The following MAGI1 variants were observed in gnomAD, a reference collection of about 807,000 sequenced individuals.
The protein encoded by MAGI1 is membrane associated guanylate kinase, WW and PDZ domain containing 1, also known as membrane-associated guanylate kinase, WW and PDZ domain-containing protein 1.
In MAGI1, 58 loss-of-function variants were observed where a neutral mutation model predicts 139.9. The ratio of observed to expected loss-of-function variants is 0.41; its 90% confidence interval spans 0.34 to 0.52. The LOEUF (loss-of-function observed/expected upper bound fraction) is 0.52, where lower values mean the gene tolerates loss of function less well. MAGI1 is among the 20% of genes least tolerant of loss of function. The probability of loss-of-function intolerance (pLI) is 0.12; values close to 1 mark genes in which losing one functional copy is unlikely to be tolerated. For synonymous variants in MAGI1, 812 were observed against 737.9 expected, an observed-to-expected ratio of 1.10 and a Z score of -1.63; for missense variants, 1,874 against 1,901.6, an observed-to-expected ratio of 0.99 and a Z score of 0.27.
intron 1 of MAGI1, among the ~76,000 whole-genome samples, chr3:65,919,261 T>A (rs529663850): frequency 6.6e-6 from 1 of 152,286 alleles, no homozygotes; most frequent in African/African-American, 2.4e-5. Flanking sequence ...CTTCTTAACC[T>A]CCAAAATGCT....
chr3:65,896,319 C>T (rs1234431432), intron 1 of MAGI1, among the ~76,000 whole-genome samples: 1 of 151,318 alleles, frequency 6.6e-6, no homozygotes, highest in Non-Finnish European at 1.5e-5. Flanking sequence ...AAAAGTACAA[C>T]CATGCCCATG....
intron 12 of MAGI1, among the ~76,000 whole-genome samples, chr3:65,406,133 T>C (rs1237917217): frequency 6.6e-6 from 1 of 152,132 alleles, no homozygotes; most frequent in East Asian, 1.9e-4. Flanking sequence ...TTGCTTACTT[T>C]TCCCCAAAAT....
chr3:65,614,543 A>G (rs1424426894), intron 2 of MAGI1, among the ~76,000 whole-genome samples: 1 of 152,206 alleles, frequency 6.6e-6, no homozygotes, highest in Non-Finnish European at 1.5e-5. Flanking sequence ...GGCATACTCA[A>G]TAAACACAAC....
In MAGI1 at chr3:65,362,626, C is replaced by T. The variant is rs150624466; in HGVS notation, c.3495+839G>A. On this transcript the variant is annotated intron_variant, in intron 21 of 22. Coordinates refer to ENST00000402939, the MANE Select transcript of MAGI1 (RefSeq NM_001033057.2). ...ATTCATGCTGAACAAACTTAAACAT[C>T]AAGATTGTGGCTTAAGTGCAAGTGT... Among the ~76,000 whole-genome samples, 353 of 152,288 alleles carry T rather than the reference C, an allele frequency of 2.3e-3. 2 individuals carry two copies. Among genetic ancestry groups the T allele is most frequent in the African/African-American group, 8.4e-3 (347 of 41,554 alleles).
At chr3:65,473,165 A>C (rs760896735) in intron 4 of MAGI1, among the ~76,000 whole-genome samples, 9 of 152,286 alleles carry the variant, frequency 5.9e-5, no homozygotes, top group Non-Finnish European at 1.0e-4. Context: ...CTCTATCTTC[A>C]TCAAAATTAT....
At chr3:65,505,943 T>A (rs975318613) in intron 2 of MAGI1, among the ~76,000 whole-genome samples, 1 of 152,160 alleles carries the variant, frequency 6.6e-6, no homozygotes, top group Non-Finnish European at 1.5e-5. Context: ...CCATAAATAA[T>A]AATAAATAGT....
intron 1 of MAGI1, among the ~76,000 whole-genome samples, chr3:65,643,137 C>G (rs2085070119): frequency 6.6e-6 from 1 of 152,184 alleles, no homozygotes; most frequent in Non-Finnish European, 1.5e-5. Flanking sequence ...TGCAGCAGAC[C>G]AGATGGTGGG....
chr3:65,854,787 G>C (rs2059318056), intron 1 of MAGI1, among the ~76,000 whole-genome samples: 1 of 152,200 alleles, frequency 6.6e-6, no homozygotes, highest in Non-Finnish European at 1.5e-5. Flanking sequence ...AAACCTCCCA[G>C]GGTGCAAAGC....
At chr3:65,518,872 C>T (rs1479197680) in intron 2 of MAGI1, among the ~76,000 whole-genome samples, 1 of 151,998 alleles carries the variant, frequency 6.6e-6, no homozygotes, top group Non-Finnish European at 1.5e-5. Flanking sequence ...CAATATGTCA[C>T]TTAACGTGAG....
At chr3:65,799,196 T>C (rs922879124) in intron 1 of MAGI1, among the ~76,000 whole-genome samples, 1 of 152,206 alleles carries the variant, frequency 6.6e-6, no homozygotes, top group African/African-American at 2.4e-5. Flanking sequence ...AAGAAATTCG[T>C]GCTACTTTTC....
At chr3:65,869,474 C>A (rs2059858515) in intron 1 of MAGI1, among the ~76,000 whole-genome samples, 1 of 150,384 alleles carries the variant, frequency 6.6e-6, no homozygotes, top group African/African-American at 2.4e-5. Flanking sequence ...GATCTCCACT[C>A]ACTGCAAGCT....
chr3:65,505,595 C>A (rs1035925157), intron 2 of MAGI1, among the ~76,000 whole-genome samples: 1 of 151,004 alleles, frequency 6.6e-6, no homozygotes, highest in Non-Finnish European at 1.5e-5. Flanking sequence ...AGCAGTGAGC[C>A]ATGATCGTGC....
At chr3:65,816,098 T>G (rs1365907777) in intron 1 of MAGI1, among the ~76,000 whole-genome samples, 1 of 152,088 alleles carries the variant, frequency 6.6e-6, no homozygotes, top group African/African-American at 2.4e-5. Context: ...GGTGCCTGGG[T>G]CCGAGCCCCC....
chr3:65,722,665 T>C lies in MAGI1; in HGVS notation c.314-100577A>G, dbSNP rs147062955. Among the ~76,000 whole-genome samples, 111 of 152,286 alleles carry C rather than the reference T, an allele frequency of 7.3e-4. 1 individual carries two copies. In the East Asian group the frequency reaches 0.02, roughly 27 times the overall value. ...AAAAAATTACTTTGGACTCATCTTC[T>C]TTCTACATGGTTGTTAAACTCTGTG... On this transcript the variant is annotated intron_variant, in intron 1 of 22. Transcript: ENST00000402939.
At chr3:65,779,308 A>G (rs905155753) in intron 1 of MAGI1, among the ~76,000 whole-genome samples, 6 of 152,216 alleles carry the variant, frequency 3.9e-5, no homozygotes, top group African/African-American at 1.4e-4. Context: ...CACAAATAGA[A>G]TATTCTGGTC....
chr3:65,667,786 A>T (rs2086619475), intron 1 of MAGI1, among the ~76,000 whole-genome samples: 1 of 151,710 alleles, frequency 6.6e-6, no homozygotes, highest in African/African-American at 2.4e-5. Context: ...CTGGTCTCGA[A>T]CTCCTGGGCA....
At chr3:65,695,773 C>T (rs1458899628) in intron 1 of MAGI1, among the ~76,000 whole-genome samples, 2 of 152,126 alleles carry the variant, frequency 1.3e-5, no homozygotes, top group African/African-American at 2.4e-5. Context: ...CTCTCAGTTC[C>T]AGCTGCAGGC....
chr3:65,853,709 T>G lies in MAGI1; in HGVS notation c.313+184287A>C, dbSNP rs529165439. ...AGTCTCTATCCTCACAAGACCATAT[T>G]TTATTAAATGATTTCAAAATGCTTC... On this transcript the variant is annotated intron_variant, in intron 1 of 22. Transcript: ENST00000402939. Among the ~76,000 whole-genome samples the G allele has an allele frequency of 2.0e-5, 3 of 152,298 alleles. No homozygotes were observed. In the South Asian group the frequency reaches 6.2e-4, roughly 32 times the overall value.
chr3:65,787,596 C>A (rs1577118074), intron 1 of MAGI1, among the ~76,000 whole-genome samples: 3 of 150,060 alleles, frequency 2.0e-5, no homozygotes, highest in South Asian at 2.2e-4. Context: ...GCAAGCAGGG[C>A]ACATTCCCTG....
Sources: gnomAD v4.1 joint callset for allele counts (sites outside exome capture counted in the v4.1 genomes callset) on GRCh38, gnomAD v4.1.1 for gene constraint, MANE v1.5 for transcripts, NCBI Gene and HGNC (gene_info 2026-07-23, HGNC 2026-07-21) for gene names.